The following NTM variants were observed in gnomAD, a reference collection of about 807,000 sequenced individuals.
NTM encodes the protein neurotrimin, also known as IgLON family member 2.
Under a neutral mutation model 42.1 loss-of-function variants are expected in NTM, and 13 were observed. The ratio of observed to expected loss-of-function variants is 0.31; its 90% CI spans 0.20 to 0.49. The LOEUF is 0.49. NTM is among the 20% of genes least tolerant of loss of function. NTM has a pLI of 0.99. For synonymous variants in NTM, 187 were observed against 179.2 expected (o/e 1.04, Z -0.35); for missense variants, 373 against 452.8 (o/e 0.82, Z 1.60).
At chr11:132,267,018 TAGC>T (rs1301884283) in intron 4 of NTM, among the ~76,000 whole-genome samples, 1 of 152,190 alleles carries the variant, frequency 6.6e-6, no homozygotes, top group Non-Finnish European at 1.5e-5. Flanking sequence ...GCAGTTCAAA[TAGC>T]AGAGGAAAGA....
At chr11:131,729,426 T>C (rs547746766) in intron 1 of NTM, among the ~76,000 whole-genome samples, 1 of 152,364 alleles carries the variant, frequency 6.6e-6, no homozygotes, top group African/African-American at 2.4e-5. Flanking sequence ...TAAGTTTGTT[T>C]GTAATTGAGA....
intron 1 of NTM, among the ~76,000 whole-genome samples, chr11:131,841,990 C>T (rs986641111): frequency 1.3e-5 from 2 of 152,180 alleles, no homozygotes; most frequent in African/African-American, 4.8e-5. Flanking sequence ...TTTGTTTCCC[C>T]ACTACTGTCA....
At chr11:132,192,287 T>C (rs2079435044) in intron 3 of NTM, among the ~76,000 whole-genome samples, 1 of 152,048 alleles carries the variant, frequency 6.6e-6, no homozygotes, top group African/African-American at 2.4e-5. Context: ...CACTTACAAA[T>C]AGAACCTCAT....
Position 132,292,787 on chromosome 11 carries a change from T to TAAAAA in NTM, c.527-14880_527-14876dup, listed in dbSNP as rs61603794. On this transcript the variant is annotated intron_variant, in intron 4 of 8. Transcript: ENST00000683400. ...AATTTTATCAAAAGGGATGTAAAAGTAAAAAAAAAAAAAAAAAAAAAAAAA... is the reference window on the plus strand; with the variant it reads ...AATTTTATCAAAAGGGATGTAAAAGTAAAAAAAAAAAAAAAAAAAAAAAAAAAAAA... 1.1e-3 allele frequency among the ~76,000 whole-genome samples: 63 copies of TAAAAA among 56,556 alleles called. 3 individuals are homozygous for TAAAAA. The highest frequency in any genetic ancestry group is 3.6e-3 in the African/African-American group (44 of 12,090). The allele number at this position is 56,556 out of a possible 152,430, so 37.1% of individuals were successfully genotyped here.
intron 4 of NTM, among the ~76,000 whole-genome samples, chr11:132,285,313 C>T (rs774175675): frequency 3.9e-5 from 6 of 152,224 alleles, no homozygotes; most frequent in Non-Finnish European, 8.8e-5. Flanking sequence ...GGTCACAGGA[C>T]TATGGGCAGC....
intron 1 of NTM, among the ~76,000 whole-genome samples, chr11:131,422,316 C>G (rs958189904): frequency 1.3e-5 from 2 of 152,152 alleles, no homozygotes; most frequent in African/African-American, 4.8e-5. Context: ...ACACCCTTGC[C>G]GGGGTCTGAA....
intron 4 of NTM, among the ~76,000 whole-genome samples, chr11:132,221,176 T>C (rs1460705973): frequency 3.3e-5 from 5 of 152,192 alleles, no homozygotes; most frequent in Non-Finnish European, 7.3e-5. Flanking sequence ...TTTTGACCCA[T>C]GACGACTGCC....
chr11:132,239,639 TTACTG>T (rs1030475623), intron 4 of NTM, among the ~76,000 whole-genome samples: 1 of 152,208 alleles, frequency 6.6e-6, no homozygotes, highest in African/African-American at 2.4e-5. Context: ...GGAATGTCTT[TTACTG>T]TACATCTTCC....
intron 1 of NTM, among the ~76,000 whole-genome samples, chr11:131,375,238 G>A (rs1177133976): frequency 2.6e-5 from 4 of 152,122 alleles, no homozygotes; most frequent in Non-Finnish European, 5.9e-5. Flanking sequence ...ACTCCCCTGG[G>A]TGTTGTAAGG....
intron 1 of NTM, among the ~76,000 whole-genome samples, chr11:131,832,793 C>T (rs139148034): frequency 6.6e-6 from 1 of 152,262 alleles, no homozygotes; most frequent in African/African-American, 2.4e-5. Flanking sequence ...TATGTACGTG[C>T]ATATGTATGC....
At chr11:132,312,345 A>G (rs1191695753) in intron 6 of NTM, 2 of 152,280 alleles carry the variant, frequency 1.3e-5, no homozygotes, top group African/African-American at 4.8e-5. Flanking sequence ...TTTTGGCCAC[A>G]TGCCAGAATG....
At chr11:131,981,060 A>G (rs1443540500) in intron 2 of NTM, 4 of 151,930 alleles carry the variant, frequency 2.6e-5, no homozygotes, top group African/African-American at 9.7e-5. Flanking sequence ...TAACCTCACT[A>G]CTCCCTATTG....
At chr11:131,530,277 T>C (rs1045408159) in intron 1 of NTM, among the ~76,000 whole-genome samples, 2 of 152,162 alleles carry the variant, frequency 1.3e-5, no homozygotes, top group African/African-American at 4.8e-5. Context: ...GTTTGAGATA[T>C]ACCTAGACTA....
chr11:132,133,958 G>A (rs1172090173), intron 2 of NTM, among the ~76,000 whole-genome samples: 2 of 152,254 alleles, frequency 1.3e-5, no homozygotes, highest in South Asian at 4.1e-4. Context: ...GCTCTCATCA[G>A]ACCAAACCTT....
At chr11:131,982,688 C>T (rs936608705) in intron 2 of NTM, among the ~76,000 whole-genome samples, 13 of 152,164 alleles carry the variant, frequency 8.5e-5, no homozygotes, top group African/African-American at 4.8e-5. Flanking sequence ...CTTTAAAAAG[C>T]AGTGATTTAG....
rs1337361068 is a variant in NTM at position 132,147,214 on chromosome 11, T to TGTGA, written c.400+701_400+702insTGAG. On this transcript the variant is annotated intron_variant, in intron 3 of 8. Transcript: ENST00000683400. Reference sequence around the variant, plus strand: ...GTGTGTGTGTGTGTGTGTGTGTGTGTGAGAGAGAGAGAGAGAGAGAGAGAG... The same window carrying TGTGA: ...GTGTGTGTGTGTGTGTGTGTGTGTGTGTGAGAGAGAGAGAGAGAGAGAGAGAGAG... Among the ~76,000 whole-genome samples, 241 of 122,886 alleles carry TGTGA rather than the reference T, an allele frequency of 2.0e-3. 1 individual carries two copies. The East Asian group carries it at 0.032, about 16-fold the overall frequency. 80.6% of individuals were successfully genotyped at this position (122,886 alleles called of 152,430 possible). A position where few individuals can be genotyped will look rare whatever the true frequency, so the allele number is the denominator to read the frequency against.
chr11:131,929,865 G>A (rs80169597), intron 2 of NTM, among the ~76,000 whole-genome samples: 14,637 of 152,222 alleles, frequency 0.096, 757 homozygotes, highest in East Asian at 0.21. Context: ...CGTGCTCATG[G>A]TCCTGCGATG....
chr11:131,821,395 G>A (rs994893014), intron 1 of NTM, among the ~76,000 whole-genome samples: 1 of 152,206 alleles, frequency 6.6e-6, no homozygotes, highest in Non-Finnish European at 1.5e-5. Flanking sequence ...GTTACCCAGA[G>A]CTCTGAGCTG....
At chr11:131,629,268 T>C (rs1459784368) in intron 1 of NTM, among the ~76,000 whole-genome samples, 1 of 152,172 alleles carries the variant, frequency 6.6e-6, no homozygotes, top group East Asian at 1.9e-4. Flanking sequence ...GTAGAACAAG[T>C]ACAGAATGTC....
Sources: allele counts gnomAD v4.1 joint callset (sites outside exome capture counted in the v4.1 genomes callset), GRCh38; gene constraint gnomAD v4.1.1; transcripts MANE v1.5; gene names NCBI Gene and HGNC (gene_info 2026-07-23, HGNC 2026-07-21).